The following STRN3 variants were observed in gnomAD, a reference collection of about 807,000 sequenced individuals.
STRN3 encodes the protein striatin-3.
In STRN3, 29 loss-of-function variants were observed where a neutral mutation model predicts 95.6. That is an observed-to-expected ratio of 0.30 (90% CI 0.23 to 0.41). The LOEUF (loss-of-function observed/expected upper bound fraction) is 0.41, where lower values mean the gene tolerates loss of function less well. Among genes scored for constraint, STRN3 ranks in the 10% least tolerant of loss-of-function variants. The probability of loss-of-function intolerance (pLI) is 1.00; values close to 1 mark genes in which losing one functional copy is unlikely to be tolerated. For synonymous variants in STRN3, 331 were observed against 357.6 expected (o/e 0.93, Z 0.84); for missense variants, 890 against 972.1 (o/e 0.92, Z 1.12).
intron 1 of STRN3, among the ~76,000 whole-genome samples, chr14:30,999,406 G>T (rs1882345588): frequency 6.6e-6 from 1 of 152,132 alleles, no homozygotes; most frequent in Admixed American, 6.6e-5. Flanking sequence ...AGAAAATAAT[G>T]TCTAAAGAAC....
chr14:30,941,602 G>C (rs1879096289), intron 5 of STRN3, among the ~76,000 whole-genome samples: 2 of 152,184 alleles, frequency 1.3e-5, no homozygotes, highest in South Asian at 4.1e-4. Context: ...AGATGAAAGA[G>C]AGGATTCAAC....
At chr14:31,025,854 G>A (rs1308646338) in intron 1 of STRN3, 50 bp downstream of exon 1, 2 of 1,565,420 alleles carry the variant, frequency 1.3e-6, no homozygotes, top group Non-Finnish European at 8.6e-7. Context: ...CCACCCCCCG[G>A]CCGGGAACCC....
At position 30,947,215 on chromosome 14, in the gene STRN3, A is replaced by T; in HGVS notation, c.591T>A (p.Ser197=). The change falls in exon 5 of 18, where the codon TCT becomes TCA. Residue 197 remains serine, a synonymous_variant. Coordinates refer to ENST00000357479, the MANE Select transcript of STRN3 (RefSeq NM_001083893.2). The part of the protein sequence containing the change: ...GYTDTILDVR[S]QRVRSLLGLS... ...GTCCAAGTAATGACCTTACCCGCTG[A>T]GACCGTACATCTAATATTGTATCTG... The T allele has an allele frequency of 6.2e-7, 1 of 1,611,830 alleles. No individual in the cohort carries two copies. The highest frequency in any genetic ancestry group is 8.5e-7 in the Non-Finnish European group (1 of 1,179,112).
intron 8 of STRN3, among the ~76,000 whole-genome samples, chr14:30,926,344 T>C (rs1043306631): frequency 2.0e-5 from 3 of 152,020 alleles, no homozygotes; most frequent in Non-Finnish European, 2.9e-5. Flanking sequence ...AATTATATTT[T>C]AAATGACTAT....
chr14:30,902,556 T>C lies in STRN3; in HGVS notation c.2117A>G (p.Lys706Arg), dbSNP rs773294611. 12 of 1,600,122 alleles carry C rather than the reference T, an allele frequency of 7.5e-6. No homozygotes were observed. The South Asian group carries it at 1.1e-4, about 15-fold the overall frequency. ...TITAHEDRHI[K>R]FFDNKTGKMI... ...CTTACCCGTTTTATTGTCAAAAAAT[T>C]TGATGTGTCTATCTTCATGAGCAGT... Residue 706 changes from lysine (K) to arginine (R), a missense_variant, in exon 16 of 18, where the codon AAA becomes AGA. By Grantham distance (26) the Lys-to-Arg change is conservative. Transcript: ENST00000357479.
intron 1 of STRN3, among the ~76,000 whole-genome samples, chr14:30,992,181 G>A (rs1301285428): frequency 1.3e-5 from 2 of 151,808 alleles, no homozygotes; most frequent in South Asian, 2.1e-4. Context: ...AGGCTGAGGC[G>A]GGCGGATCAC....
chr14:30,960,726 G>A (rs903462860), intron 1 of STRN3, among the ~76,000 whole-genome samples: 11 of 151,838 alleles, frequency 7.2e-5, no homozygotes, highest in South Asian at 4.2e-4. Flanking sequence ...AAAATTAGCC[G>A]GGCGTGGTGG....
chr14:31,001,877 A>T (rs943594327), intron 1 of STRN3, among the ~76,000 whole-genome samples: 6 of 152,040 alleles, frequency 3.9e-5, no homozygotes, highest in Non-Finnish European at 8.8e-5. Flanking sequence ...TAAAAACACA[A>T]AAATCAGGCC....
At chr14:31,018,078 C>T (rs1323101911) in intron 1 of STRN3, among the ~76,000 whole-genome samples, 1 of 102,574 alleles carries the variant, frequency 9.7e-6, no homozygotes, top group Non-Finnish European at 2.1e-5. Context: ...AACCCTGCCT[C>T]AATTTAAAAA....
chr14:30,956,322 CAA>C, intron 1 of STRN3, 80 bp from the exon 2 acceptor site: 4 of 1,289,756 alleles, frequency 3.1e-6, no homozygotes, highest in Middle Eastern at 3.8e-4. Flanking sequence ...ACGATAAACA[CAA>C]ACTGTTGCAC....
rs56222547 is a variant in STRN3, at chr14:30,994,915, A to T, written c.282+30989T>A. Among the ~76,000 whole-genome samples, 617 of 152,352 alleles carry T rather than the reference A, an allele frequency of 4.0e-3. 1 individual carries two copies. Among genetic ancestry groups the T allele is most frequent in the African/African-American group, 0.014 (599 of 41,590 alleles). ...TTTTCCTTAATATTAGTCCCCAACA[A>T]CCAAAACAGTATTTACTTGGCATCA... is the stretch of plus-strand genomic sequence containing the variant. On this transcript the variant is annotated intron_variant, in intron 1 of 17. Transcript: ENST00000357479.
chr14:30,985,561 G>A (rs944661254), intron 1 of STRN3, among the ~76,000 whole-genome samples: 2 of 150,272 alleles, frequency 1.3e-5, no homozygotes, highest in African/African-American at 4.9e-5. Context: ...CCAAGATCAC[G>A]CATTGTACTC....
chr14:30,895,641 G>C, intron 17 of STRN3, 21 bp downstream of exon 17: 1 of 1,612,286 alleles, frequency 6.2e-7, no homozygotes, highest in Non-Finnish European at 8.5e-7. Context: ...TTTGTGGGCA[G>C]TACAGGACTT....
Position 31,025,627 on chromosome 14 carries a change from G to C in STRN3, c.282+277C>G, listed in dbSNP as rs1211420856. 4 of 510,088 alleles carry C rather than the reference G, an allele frequency of 7.8e-6. No homozygotes were observed. In the East Asian group the frequency reaches 1.1e-4, roughly 15 times the overall value. The allele number at this position is 510,088 out of a possible 1,614,324, so 31.6% of individuals were successfully genotyped here. ...CGGAGGCCCGGGAAGGCCGCCTCCG[G>C]AGGAGCCCCCGCAGACGCCATACTA... On this transcript the variant is annotated intron_variant, in intron 1 of 17. Transcript: ENST00000357479.
chr14:30,909,932 C>T (rs1388436408), intron 13 of STRN3, among the ~76,000 whole-genome samples: 3 of 152,298 alleles, frequency 2.0e-5, no homozygotes, highest in Admixed American at 6.5e-5. Flanking sequence ...ACTCCCTCAG[C>T]GTATCTTAAA....
chr14:30,953,236 C>A (rs923085641), intron 3 of STRN3, among the ~76,000 whole-genome samples: 2 of 152,140 alleles, frequency 1.3e-5, no homozygotes, highest in East Asian at 3.8e-4. Flanking sequence ...GCCCATGTAA[C>A]CAGTACCTAG....
chr14:31,016,541 A>AT (rs1883243143), intron 1 of STRN3, among the ~76,000 whole-genome samples: 1 of 150,656 alleles, frequency 6.6e-6, no homozygotes, highest in African/African-American at 2.5e-5. Flanking sequence ...AAAATAATAA[A>AT]AATATATATA....
intron 3 of STRN3, 58 bp downstream of exon 3, chr14:30,955,562 G>GTC: frequency 7.1e-7 from 1 of 1,403,288 alleles, no homozygotes; most frequent in Non-Finnish European, 9.7e-7. Flanking sequence ...AAGAGAACAT[G>GTC]TCTGTTACAT....
intron 8 of STRN3, among the ~76,000 whole-genome samples, chr14:30,924,241 C>T (rs1473463900): frequency 2.0e-4 from 1 of 5,000 alleles, no homozygotes; most frequent in Non-Finnish European, 4.5e-4. Context: ...AAACAAAAAA[C>T]AACAAAAAAA....
Sources: allele counts gnomAD v4.1 joint callset (sites outside exome capture counted in the v4.1 genomes callset), GRCh38; gene constraint gnomAD v4.1.1; transcripts MANE v1.5; gene names NCBI Gene and HGNC (gene_info 2026-07-23, HGNC 2026-07-21).